Variants in STK39 observed in about 807,000 individuals in gnomAD.
STK39 encodes serine/threonine kinase 39, also known as STE20/SPS1-related proline-alanine-rich protein kinase.
A neutral mutation model predicts 77.8 loss-of-function variants in STK39; 20 were observed. The ratio of observed to expected loss-of-function variants is 0.26; its 90% CI spans 0.18 to 0.37. The LOEUF is 0.37. STK39 is among the 10% of genes least tolerant of loss of function. The pLI is 1.00. For missense variants in STK39, 479 were observed against 656.5 expected (o/e 0.73, Z 2.95); for synonymous variants, 246 against 234.1 (o/e 1.05, Z -0.47).
At chr2:168,224,133 T>C (rs866676650) in intron 1 of STK39, among the ~76,000 whole-genome samples, 2 of 151,792 alleles carry the variant, frequency 1.3e-5, no homozygotes, top group Non-Finnish European at 2.9e-5. Flanking sequence ...TTGGCACTTA[T>C]AAGGGGAGAA....
At chr2:168,239,200 G>A (rs1159759627) in intron 1 of STK39, among the ~76,000 whole-genome samples, 1 of 152,166 alleles carries the variant, frequency 6.6e-6, no homozygotes, top group Non-Finnish European at 1.5e-5. Context: ...CACAGGAAGA[G>A]GCTCCACAGA....
intron 16 of STK39, among the ~76,000 whole-genome samples, chr2:168,004,539 TG>T (rs1684076913): frequency 6.6e-6 from 1 of 151,960 alleles, no homozygotes; most frequent in Non-Finnish European, 1.5e-5. Context: ...GAGACCATTC[TG>T]GGTAACAGGG....
chr2:167,970,023 G>A (rs1692286110), intron 16 of STK39, among the ~76,000 whole-genome samples: 1 of 152,108 alleles, frequency 6.6e-6, no homozygotes, highest in Non-Finnish European at 1.5e-5. Flanking sequence ...CAGGGCAGGG[G>A]CTTGCCCAGA....
chr2:167,990,655 A>G (rs570417375), intron 16 of STK39, among the ~76,000 whole-genome samples: 37 of 152,344 alleles, frequency 2.4e-4, no homozygotes, highest in African/African-American at 8.2e-4. Flanking sequence ...TGCTGCTAAT[A>G]AACGCCAGCA....
At chr2:168,136,090 C>T (rs1402625305) in intron 8 of STK39, among the ~76,000 whole-genome samples, 4 of 151,212 alleles carry the variant, frequency 2.6e-5, no homozygotes, top group Non-Finnish European at 4.4e-5. Context: ...AAAAATGGAC[C>T]GGGTGCGGTA....
intron 10 of STK39, among the ~76,000 whole-genome samples, chr2:168,090,831 T>G (rs1686501303): frequency 6.6e-6 from 1 of 152,144 alleles, no homozygotes; most frequent in Non-Finnish European, 1.5e-5. Context: ...AGGGGCTTAA[T>G]TTATTCCATC....
intron 16 of STK39, among the ~76,000 whole-genome samples, chr2:168,011,009 T>C (rs9679206): frequency 0.12 from 18,350 of 152,184 alleles, 3,687 homozygotes; most frequent in African/African-American, 0.42. Flanking sequence ...AAACATATCA[T>C]TTAAGGGGCT....
At chr2:168,065,480 A>G in intron 12 of STK39, 99 bp from the exon 13 acceptor site, 5 of 1,226,678 alleles carry the variant, frequency 4.1e-6, no homozygotes, top group Admixed American at 1.7e-5. Flanking sequence ...AATAATTTCC[A>G]AACGATCATA....
At chr2:168,176,565 A>T (rs1688961261) in intron 2 of STK39, among the ~76,000 whole-genome samples, 1 of 152,204 alleles carries the variant, frequency 6.6e-6, no homozygotes, top group South Asian at 2.1e-4. Context: ...AAGAGAAAGG[A>T]AAAACAACAA....
intron 16 of STK39, among the ~76,000 whole-genome samples, chr2:167,987,908 T>C (rs1254782628): frequency 6.6e-6 from 1 of 152,192 alleles, no homozygotes; most frequent in Non-Finnish European, 1.5e-5. Context: ...TTACTGAGAT[T>C]TACTATGCAA....
intron 16 of STK39, among the ~76,000 whole-genome samples, chr2:167,978,525 T>C (rs932144826): frequency 1.3e-5 from 2 of 152,208 alleles, no homozygotes; most frequent in African/African-American, 2.4e-5. Flanking sequence ...TCCTTTGAAA[T>C]CTTAACAATT....
chr2:168,064,961 G>C (rs79700394), intron 13 of STK39, among the ~76,000 whole-genome samples: 1,542 of 152,288 alleles, frequency 0.01, 32 homozygotes, highest in African/African-American at 0.035. Flanking sequence ...AATGATAACA[G>C]AATTATGAAA....
chr2:168,219,868 GCTT>G lies in STK39; in HGVS notation c.208+27357_208+27359del, dbSNP rs1436476639. 1.9e-4 allele frequency among the ~76,000 whole-genome samples: 13 copies of G among 70,212 alleles called. No individual in the cohort carries two copies. The South Asian group carries it at 3.5e-3, about 19-fold the overall frequency. 46.1% of individuals were successfully genotyped at this position (70,212 alleles called of 152,430 possible). A position where few individuals can be genotyped will look rare whatever the true frequency, so the allele number is the denominator to read the frequency against. On this transcript the variant is annotated intron_variant, in intron 1 of 17. Coordinates refer to ENST00000355999, the MANE Select transcript of STK39 (RefSeq NM_013233.3). ...CAAGTTCCTTTAACCTACTTTTCTT[GCTT>G]TTTTTTTTTTTTTTGCAAATTTTGA... is the stretch of plus-strand genomic sequence containing the variant.
In STK39 at chr2:168,244,008, T is replaced by C. The variant is rs894338546; in HGVS notation, c.208+3220A>G. On this transcript the variant is annotated intron_variant, in intron 1 of 17. Transcript: ENST00000355999. ...AAGCCTCCAAAAAGACAGAAATATTTGAAATCTACTAAGACAAGGATATCA... is the reference window on the plus strand; with the variant it reads ...AAGCCTCCAAAAAGACAGAAATATTCGAAATCTACTAAGACAAGGATATCA... Among the ~76,000 whole-genome samples the C allele has an allele frequency of 5.3e-5, 8 of 152,118 alleles. 1 individual carries two copies. Among genetic ancestry groups the C allele is most frequent in the Middle Eastern group, 6.3e-3 (2 of 316 alleles).
chr2:168,172,462 T>C (rs1175823738), intron 2 of STK39, among the ~76,000 whole-genome samples: 1 of 152,234 alleles, frequency 6.6e-6, no homozygotes, highest in African/African-American at 2.4e-5. Context: ...TACCACCTTG[T>C]CATACTTCAT....
chr2:168,143,512 A>T (rs186690586), intron 5 of STK39, among the ~76,000 whole-genome samples: 99 of 152,268 alleles, frequency 6.5e-4, no homozygotes, highest in African/African-American at 2.3e-3. Flanking sequence ...GGAGTTCAAG[A>T]CCATCCAGGC....
rs1691733242 is a variant in STK39 at position 167,955,309 on chromosome 2, G to A, written c.*187C>T. 1 of 537,672 alleles carries A rather than the reference G, an allele frequency of 1.9e-6. No individual in the cohort carries two copies. Among genetic ancestry groups the A allele is most frequent in the Non-Finnish European group, 3.3e-6 (1 of 300,512 alleles). 33.3% of individuals were successfully genotyped at this position (537,672 alleles called of 1,614,324 possible). On this transcript the variant is annotated 3_prime_UTR_variant, in exon 18 of 18. Coordinates refer to ENST00000355999, the MANE Select transcript of STK39 (RefSeq NM_013233.3). ...GCTAGAGAATAAAGCAGAACTCGGA[G>A]TGTTGTAAGTTTTAAAAAATTATTT... is the stretch of plus-strand genomic sequence containing the variant.
intron 10 of STK39, among the ~76,000 whole-genome samples, chr2:168,098,497 G>A (rs988300351): frequency 4.6e-5 from 7 of 152,136 alleles, no homozygotes; most frequent in African/African-American, 9.7e-5. Context: ...ACTGGGATAC[G>A]GTCAAAGCCA....
chr2:167,965,679 G>T (rs1165083111), intron 16 of STK39, among the ~76,000 whole-genome samples: 1 of 152,160 alleles, frequency 6.6e-6, no homozygotes, highest in South Asian at 2.1e-4. Flanking sequence ...GGAGAATGTC[G>T]TGTTTGTCAT....
Sources: allele counts gnomAD v4.1 joint callset (sites outside exome capture counted in the v4.1 genomes callset), GRCh38; gene constraint gnomAD v4.1.1; transcripts MANE v1.5; gene names NCBI Gene and HGNC (gene_info 2026-07-23, HGNC 2026-07-21).